Variants in LRP1B observed in about 807,000 individuals in gnomAD.
LRP1B encodes low-density lipoprotein receptor-related protein 1B.
A neutral mutation model predicts 556.6 loss-of-function variants in LRP1B; 217 were observed. The ratio of observed to expected loss-of-function variants is 0.39; its 90% confidence interval spans 0.35 to 0.44. The LOEUF (loss-of-function observed/expected upper bound fraction) is 0.44, where lower values mean the gene tolerates loss of function less well. LRP1B is among the 20% of genes least tolerant of loss of function. The pLI is 1.00. For missense variants in LRP1B, 5,053 were observed against 5,620.8 expected (o/e 0.90, Z 3.23); for synonymous variants, 2,047 against 1,865.8 (o/e 1.10, Z -2.50).
chr2:141,077,968 ATTT>A (rs76152375), intron 7 of LRP1B, among the ~76,000 whole-genome samples: 1 of 143,072 alleles, frequency 7.0e-6, no homozygotes. Context: ...TCAGGTAGGA[ATTT>A]TTTTTTTTTT....
intron 7 of LRP1B, among the ~76,000 whole-genome samples, chr2:141,071,248 C>T (rs1200750024): frequency 6.7e-6 from 1 of 150,104 alleles, no homozygotes; most frequent in African/African-American, 2.5e-5. Flanking sequence ...GAACCAAAGA[C>T]AAAAACCACA....
intron 11 of LRP1B, among the ~76,000 whole-genome samples, chr2:141,046,846 C>T (rs866973578): frequency 6.6e-6 from 1 of 152,106 alleles, no homozygotes; most frequent in African/African-American, 2.4e-5. Context: ...CTTTGGGAAG[C>T]TGAGGCAGGC....
At chr2:141,008,417 T>A (rs1041563420) in intron 14 of LRP1B, among the ~76,000 whole-genome samples, 8 of 151,038 alleles carry the variant, frequency 5.3e-5, no homozygotes, top group Non-Finnish European at 7.4e-5. Flanking sequence ...TTTCTAATCA[T>A]TATAATTATT....
At chr2:141,278,727 A>G (rs902612558) in intron 3 of LRP1B, among the ~76,000 whole-genome samples, 2 of 152,178 alleles carry the variant, frequency 1.3e-5, no homozygotes, top group African/African-American at 4.8e-5. Flanking sequence ...TCACAATTCC[A>G]TACATTCAAG....
intron 35 of LRP1B, among the ~76,000 whole-genome samples, chr2:140,718,676 A>C (rs760573221): frequency 3.3e-5 from 5 of 152,060 alleles, no homozygotes; most frequent in Non-Finnish European, 5.9e-5. Context: ...CTCTCTAGTC[A>C]CTTCCCATCT....
chr2:141,964,559 T>G (rs973274873), intron 1 of LRP1B, among the ~76,000 whole-genome samples: 2 of 151,986 alleles, frequency 1.3e-5, no homozygotes, highest in African/African-American at 4.8e-5. Context: ...AAGCTGAAAC[T>G]GGATCCCTTC....
intron 3 of LRP1B, among the ~76,000 whole-genome samples, chr2:141,294,748 A>AC (rs1686117296): frequency 6.6e-6 from 1 of 151,246 alleles, no homozygotes. Context: ...TCAAAAAAAA[A>AC]AAAAATAGAA....
intron 32 of LRP1B, among the ~76,000 whole-genome samples, chr2:140,781,779 A>G (rs1357678049): frequency 6.6e-6 from 1 of 152,208 alleles, no homozygotes; most frequent in Non-Finnish European, 1.5e-5. Context: ...TCCTCTGTAA[A>G]GTATTTCAGA....
intron 1 of LRP1B, among the ~76,000 whole-genome samples, chr2:141,866,634 A>G (rs1294275601): frequency 6.6e-6 from 1 of 152,170 alleles, no homozygotes; most frequent in Non-Finnish European, 1.5e-5. Context: ...TTAATTCCAT[A>G]GGAACCGAGA....
rs78744356 is a variant in LRP1B at position 141,487,034 on chromosome 2, A to G, written c.206-6501T>C. Among the ~76,000 whole-genome samples, 691 of 152,194 alleles carry G rather than the reference A, an allele frequency of 4.5e-3. 14 individuals are homozygous for G. The highest frequency in any genetic ancestry group is 0.038 in the Admixed American group (576 of 15,286). Reference sequence around the variant, plus strand: ...TTCTTTCTCAGGCCTCTTATATTCTATTCACACCATTATTTTTGTTATTCC... The same window carrying G: ...TTCTTTCTCAGGCCTCTTATATTCTGTTCACACCATTATTTTTGTTATTCC... On this transcript the variant is annotated intron_variant, in intron 2 of 90. Transcript: ENST00000389484.
intron 2 of LRP1B, among the ~76,000 whole-genome samples, chr2:141,775,842 CTTT>C (rs770939865): frequency 7.4e-6 from 1 of 134,522 alleles, no homozygotes; most frequent in South Asian, 2.3e-4. Flanking sequence ...TCAGGTTTTC[CTTT>C]TTTTTTTTTT....
At chr2:140,952,010 T>C (rs1695731602) in intron 18 of LRP1B, 70 bp from the exon 19 acceptor site, 2 of 1,088,598 alleles carry the variant, frequency 1.8e-6, no homozygotes, top group African/African-American at 1.5e-5. Context: ...TCGTATCATC[T>C]GATAATGTGA....
intron 10 of LRP1B, 108 bp from the exon 11 acceptor site, chr2:141,049,330 C>T (rs182684257): frequency 2.2e-5 from 16 of 741,194 alleles, no homozygotes; most frequent in Admixed American, 1.4e-4. Context: ...AAATTCAATG[C>T]TAAAAATTAA....
At chr2:140,753,861 G>A (rs1688660831) in intron 35 of LRP1B, among the ~76,000 whole-genome samples, 1 of 152,080 alleles carries the variant, frequency 6.6e-6, no homozygotes, top group African/African-American at 2.4e-5. Context: ...CTAAACTTCT[G>A]TTGAATACAG....
At position 141,781,963 on chromosome 2, in the gene LRP1B, G is replaced by T. The variant is rs537267602; in HGVS notation, c.205+28316C>A. ...ATGTTCTCTTTTTAGCTCTCTGAGCGACTATTTTCTTTCACTTTCATAATT... is the reference window on the plus strand; with the variant it reads ...ATGTTCTCTTTTTAGCTCTCTGAGCTACTATTTTCTTTCACTTTCATAATT... On this transcript the variant is annotated intron_variant, in intron 2 of 90. Coordinates refer to ENST00000389484, the MANE Select transcript of LRP1B (RefSeq NM_018557.3). Among the ~76,000 whole-genome samples, 4 of 152,170 alleles carry T rather than the reference G, an allele frequency of 2.6e-5. No homozygotes were observed. The South Asian group carries it at 8.3e-4, about 32-fold the overall frequency.
chr2:141,808,975 A>G (rs1296301619), intron 2 of LRP1B, among the ~76,000 whole-genome samples: 1 of 152,088 alleles, frequency 6.6e-6, no homozygotes, highest in Non-Finnish European at 1.5e-5. Context: ...GTTTATCACA[A>G]TTTATCCATT....
intron 41 of LRP1B, among the ~76,000 whole-genome samples, chr2:140,603,794 T>C (rs1320671910): frequency 1.3e-5 from 2 of 152,162 alleles, no homozygotes; most frequent in Non-Finnish European, 2.9e-5. Flanking sequence ...TAAAATATTT[T>C]AGTCATGTAC....
intron 2 of LRP1B, among the ~76,000 whole-genome samples, chr2:141,758,585 T>C (rs981621485): frequency 2.8e-4 from 43 of 152,128 alleles, no homozygotes; most frequent in South Asian, 1.9e-3. Flanking sequence ...CAAAACTCAA[T>C]AATGATTTAA....
chr2:140,965,065 C>T (rs1352069698), intron 18 of LRP1B, among the ~76,000 whole-genome samples: 2 of 152,162 alleles, frequency 1.3e-5, no homozygotes, highest in Non-Finnish European at 2.9e-5. Flanking sequence ...TAAGGTTGCA[C>T]ATGAGAATCA....
Sources: gnomAD v4.1 joint callset for allele counts (sites outside exome capture counted in the v4.1 genomes callset) on GRCh38, gnomAD v4.1.1 for gene constraint, MANE v1.5 for transcripts, NCBI Gene and HGNC (gene_info 2026-07-23, HGNC 2026-07-21) for gene names.